MEF2C: variants seen among roughly 807,000 people sequenced by gnomAD.
MEF2C encodes the protein myocyte-specific enhancer factor 2C.
In MEF2C, 6 loss-of-function variants were observed where a neutral mutation model predicts 50.5. The observed-to-expected ratio is 0.12, with a 90% CI of 0.07 to 0.23. The LOEUF (loss-of-function observed/expected upper bound fraction) is 0.23, where lower values mean the gene tolerates loss of function less well. MEF2C is among the 10% of genes least tolerant of loss of function. The probability of loss-of-function intolerance (pLI) is 1.00; values close to 1 mark genes in which losing one functional copy is unlikely to be tolerated. For missense variants in MEF2C, 276 were observed against 605.0 expected, an observed-to-expected ratio of 0.46 and a Z score of 5.70; for synonymous variants, 183 against 228.0, an observed-to-expected ratio of 0.80 and a Z score of 1.78.
At chr5:88,813,087 TA>T (rs1316594141) in intron 2 of MEF2C, among the ~76,000 whole-genome samples, 1 of 152,166 alleles carries the variant, frequency 6.6e-6, no homozygotes, top group African/African-American at 2.4e-5. Flanking sequence ...GTTCTGACAG[TA>T]AATCAAAGCT....
At chr5:88,823,211 T>C (rs1330080387) in intron 2 of MEF2C, among the ~76,000 whole-genome samples, 3 of 151,992 alleles carry the variant, frequency 2.0e-5, no homozygotes, top group African/African-American at 7.2e-5. Context: ...TGTTTTAAGT[T>C]ATTAATATCT....
intron 2 of MEF2C, among the ~76,000 whole-genome samples, chr5:88,814,149 C>T (rs1172846458): frequency 6.6e-6 from 1 of 152,106 alleles, no homozygotes; most frequent in African/African-American, 2.4e-5. Flanking sequence ...AGGGAAATGC[C>T]CTCCTAAATG....
chr5:88,788,971 C>T (rs1580727003), intron 3 of MEF2C, among the ~76,000 whole-genome samples: 1 of 152,242 alleles, frequency 6.6e-6, no homozygotes, highest in East Asian at 1.9e-4. Flanking sequence ...AGTAGTAGCT[C>T]ATGCATAGGG....
At chr5:88,740,738 T>C in intron 6 of MEF2C, 2 of 985,304 alleles carry the variant, frequency 2.0e-6, no homozygotes, top group Non-Finnish European at 2.4e-6. Context: ...AAGGGATAGT[T>C]TTTAATTGCA....
intron 6 of MEF2C, chr5:88,734,993 T>C: frequency 1.0e-6 from 1 of 985,384 alleles, no homozygotes; most frequent in Non-Finnish European, 1.2e-6. Flanking sequence ...CCAGCTAGCA[T>C]TTTGGAGCCG....
At chr5:88,840,324 T>C (rs2153316706) in intron 1 of MEF2C, among the ~76,000 whole-genome samples, 1 of 152,330 alleles carries the variant, frequency 6.6e-6, no homozygotes, top group South Asian at 2.1e-4. Flanking sequence ...TGTCATACAC[T>C]TCAATATTGT....
chr5:88,737,059 A>T lies in MEF2C; in HGVS notation c.638-5158T>A, dbSNP rs147943906. ...TCTTTATATGTTTCAGGTGCTTCAC[A>T]AATAGATATATAGAATATGCTAGAA... is the stretch of plus-strand genomic sequence containing the variant. On this transcript the variant is annotated intron_variant, in intron 6 of 10. Coordinates refer to ENST00000504921, the MANE Select transcript of MEF2C (RefSeq NM_002397.5). The T allele has an allele frequency of 2.2e-4, 221 of 985,218 alleles. 7 individuals are homozygous for T. In the East Asian group the frequency reaches 0.02, roughly 89 times the overall value. 61.0% of individuals were successfully genotyped at this position (985,218 alleles called of 1,614,324 possible). A position where few individuals can be genotyped will look rare whatever the true frequency, so the allele number is the denominator to read the frequency against.
At chr5:88,806,643 G>T (rs924823814) in intron 2 of MEF2C, among the ~76,000 whole-genome samples, 1 of 151,682 alleles carries the variant, frequency 6.6e-6, no homozygotes, top group African/African-American at 2.4e-5. Flanking sequence ...GTTAATTATT[G>T]TTTTACTTAT....
At chr5:88,890,869 ATG>A (rs1459313543) in intron 1 of MEF2C, among the ~76,000 whole-genome samples, 1 of 152,174 alleles carries the variant, frequency 6.6e-6, no homozygotes, top group Non-Finnish European at 1.5e-5. Context: ...AAGTTAAGTG[ATG>A]CCCCCAAAGT....
intron 1 of MEF2C, among the ~76,000 whole-genome samples, chr5:88,900,814 C>T (rs1461522459): frequency 6.6e-6 from 1 of 151,892 alleles, no homozygotes; most frequent in Non-Finnish European, 1.5e-5. Flanking sequence ...GGGAAACAGA[C>T]CCAAGTCTGT....
intron 3 of MEF2C, among the ~76,000 whole-genome samples, chr5:88,802,779 C>T (rs941389213): frequency 6.6e-6 from 1 of 152,152 alleles, no homozygotes; most frequent in African/African-American, 2.4e-5. Flanking sequence ...GCCTTCAAGT[C>T]ATATAATATA....
intron 1 of MEF2C, among the ~76,000 whole-genome samples, chr5:88,868,178 T>G (rs1428441799): frequency 6.6e-6 from 1 of 152,184 alleles, no homozygotes; most frequent in East Asian, 1.9e-4. Context: ...AATTTCACGT[T>G]TCGGAACTAC....
At chr5:88,737,013 G>A (rs1335686283) in intron 6 of MEF2C, 3 of 984,940 alleles carry the variant, frequency 3.0e-6, no homozygotes, top group Non-Finnish European at 1.2e-6. Context: ...TAGTGGCAGC[G>A]ATAATACACA....
At chr5:88,784,118 C>T (rs1005249536) in intron 3 of MEF2C, among the ~76,000 whole-genome samples, 9 of 152,196 alleles carry the variant, frequency 5.9e-5, no homozygotes, top group Non-Finnish European at 1.2e-4. Context: ...CTTTGCACTT[C>T]TATTTAATAT....
At chr5:88,776,810 A>G (rs1784998709) in intron 3 of MEF2C, among the ~76,000 whole-genome samples, 1 of 152,194 alleles carries the variant, frequency 6.6e-6, no homozygotes, top group African/African-American at 2.4e-5. Flanking sequence ...GATCTAACAT[A>G]AAGCTTTATG....
intron 3 of MEF2C, among the ~76,000 whole-genome samples, chr5:88,802,028 C>T (rs1798581299): frequency 6.6e-6 from 1 of 152,146 alleles, no homozygotes; most frequent in Non-Finnish European, 1.5e-5. Flanking sequence ...AGGACGGACC[C>T]ACAATGTGTT....
Position 88,799,913 on chromosome 5 carries a change from C to CACAG in MEF2C, c.258+4684_258+4685insCTGT, listed in dbSNP as rs1266169497. On this transcript the variant is annotated intron_variant, in intron 3 of 10. Transcript: ENST00000504921. ...ACACACACACACACACACACACACA[C>CACAG]AGAGAGAGAGACACACATGTTCTTC... 5.5e-3 allele frequency among the ~76,000 whole-genome samples: 348 copies of CACAG among 63,616 alleles called. 1 individual carries two copies. Among genetic ancestry groups the CACAG allele is most frequent in the African/African-American group, 0.016 (334 of 20,316 alleles). The allele number at this position is 63,616 out of a possible 152,430, so 41.7% of individuals were successfully genotyped here.
chr5:88,801,494 CT>C (rs35142539), intron 3 of MEF2C, among the ~76,000 whole-genome samples: 78,532 of 139,324 alleles, frequency 0.56, 22,736 homozygotes, highest in Non-Finnish European at 0.68. Context: ...TACTTGGGAA[CT>C]TTTTTTTTTT....
intron 1 of MEF2C, among the ~76,000 whole-genome samples, chr5:88,873,589 A>G (rs2149921010): frequency 6.6e-6 from 1 of 152,068 alleles, no homozygotes; most frequent in South Asian, 2.1e-4. Context: ...ATCAAGCAAG[A>G]TCAAACAGTC....
Sources: allele counts gnomAD v4.1 joint callset (sites outside exome capture counted in the v4.1 genomes callset), GRCh38; gene constraint gnomAD v4.1.1; transcripts MANE v1.5; gene names NCBI Gene and HGNC (gene_info 2026-07-23, HGNC 2026-07-21).